The following SYN2 variants were observed in gnomAD, a reference collection of about 807,000 sequenced individuals.
SYN2 encodes the protein synapsin-2.
In SYN2, 19 loss-of-function variants were observed where a neutral mutation model predicts 50.9. The ratio of observed to expected loss-of-function variants is 0.37; its 90% CI spans 0.26 to 0.55. The LOEUF (loss-of-function observed/expected upper bound fraction) is 0.55, where lower values mean the gene tolerates loss of function less well. Ranked by LOEUF, SYN2 falls within the 20% of genes least tolerant of loss-of-function variation. SYN2 has a pLI of 0.81. For missense variants in SYN2, 587 were observed against 576.4 expected, an observed-to-expected ratio of 1.02 and a Z score of -0.19; for synonymous variants, 255 against 224.9, an observed-to-expected ratio of 1.13 and a Z score of -1.20.
intron 1 of SYN2, among the ~76,000 whole-genome samples, chr3:12,122,613 C>G (rs947906905): frequency 1.4e-4 from 21 of 152,268 alleles, no homozygotes; most frequent in Middle Eastern, 3.4e-3. Flanking sequence ...TTGTCCATCT[C>G]AGCCTATGTG....
intron 1 of SYN2, among the ~76,000 whole-genome samples, chr3:12,088,403 A>G (rs1489422861): frequency 6.6e-6 from 1 of 152,208 alleles, no homozygotes; most frequent in African/African-American, 2.4e-5. Context: ...CAAAAAGACA[A>G]AAGATAAGTA....
chr3:12,115,010 G>C (rs887025970), intron 1 of SYN2, among the ~76,000 whole-genome samples: 10 of 152,068 alleles, frequency 6.6e-5, no homozygotes, highest in African/African-American at 2.2e-4. Context: ...GTTATCCCCA[G>C]TTGCTGTTTC....
intron 1 of SYN2, among the ~76,000 whole-genome samples, chr3:12,139,935 A>G (rs1574961979): frequency 6.6e-6 from 1 of 152,302 alleles, no homozygotes; most frequent in East Asian, 1.9e-4. Flanking sequence ...ACAGGGGATT[A>G]ATTAATGCAT....
intron 1 of SYN2, among the ~76,000 whole-genome samples, chr3:12,076,093 G>A (rs1415610311): frequency 6.6e-6 from 1 of 152,108 alleles, no homozygotes; most frequent in Admixed American, 6.6e-5. Context: ...TAGCTAGTAA[G>A]TTGTAAAGTC....
chr3:12,046,351 G>C (rs1490663093), intron 1 of SYN2, among the ~76,000 whole-genome samples: 4 of 152,144 alleles, frequency 2.6e-5, no homozygotes, highest in Non-Finnish European at 2.9e-5. Context: ...CATGAAGCTT[G>C]TGAAAGGGAA....
intron 1 of SYN2, among the ~76,000 whole-genome samples, chr3:12,134,971 T>C (rs944521199): frequency 4.6e-5 from 7 of 152,180 alleles, no homozygotes; most frequent in Admixed American, 4.6e-4. Flanking sequence ...CTCAGTAAAT[T>C]TTTGCTGAAT....
intron 8 of SYN2, among the ~76,000 whole-genome samples, chr3:12,167,730 A>G (rs541637612): frequency 2.0e-5 from 3 of 152,302 alleles, no homozygotes; most frequent in Non-Finnish European, 4.4e-5. Flanking sequence ...ACTGGGTAAG[A>G]GGCAGAGGTT....
intron 1 of SYN2, among the ~76,000 whole-genome samples, chr3:12,106,412 C>G (rs1696191498): frequency 6.6e-6 from 1 of 152,102 alleles, no homozygotes; most frequent in African/African-American, 2.4e-5. Context: ...ATTCAACAAT[C>G]CTGGGATTGT....
intron 5 of SYN2, among the ~76,000 whole-genome samples, chr3:12,154,993 A>G (rs1167691580): frequency 2.3e-5 from 1 of 44,202 alleles, no homozygotes; most frequent in Non-Finnish European, 5.9e-5. Context: ...CCCATAGGAA[A>G]TTTCCCCCTT....
intron 1 of SYN2, among the ~76,000 whole-genome samples, chr3:12,102,059 A>G (rs1237426437): frequency 6.6e-6 from 1 of 152,182 alleles, no homozygotes; most frequent in Non-Finnish European, 1.5e-5. Flanking sequence ...ACAGTCAGAG[A>G]AAGTGTTTTA....
intron 1 of SYN2, among the ~76,000 whole-genome samples, chr3:12,037,820 A>G (rs1414986400): frequency 6.6e-6 from 1 of 152,174 alleles, no homozygotes; most frequent in African/African-American, 2.4e-5. Flanking sequence ...ATACCTTACC[A>G]TATATATGAT....
At chr3:12,018,468 G>T (rs944514227) in intron 1 of SYN2, among the ~76,000 whole-genome samples, 5 of 152,134 alleles carry the variant, frequency 3.3e-5, no homozygotes, top group Non-Finnish European at 7.4e-5. Context: ...AGCTAATCTG[G>T]TTGGAAATTT....
chr3:12,068,251 T>C (rs1453179535), intron 1 of SYN2, among the ~76,000 whole-genome samples: 1 of 152,232 alleles, frequency 6.6e-6, no homozygotes, highest in Non-Finnish European at 1.5e-5. Flanking sequence ...ATTGATAGTT[T>C]GCTGGCTTTA....
At chr3:12,047,449 C>A (rs969451446) in intron 1 of SYN2, among the ~76,000 whole-genome samples, 3 of 152,114 alleles carry the variant, frequency 2.0e-5, no homozygotes, top group African/African-American at 7.2e-5. Context: ...GATTTTAAAT[C>A]ATCATATTTT....
At chr3:12,106,983 A>G (rs980355326) in intron 1 of SYN2, among the ~76,000 whole-genome samples, 27 of 148,680 alleles carry the variant, frequency 1.8e-4, no homozygotes, top group African/African-American at 6.0e-4. Context: ...TAAAAGTTGG[A>G]TTCAGATCTT....
chr3:12,098,308 T>C (rs1380662667), intron 1 of SYN2, among the ~76,000 whole-genome samples: 1 of 152,130 alleles, frequency 6.6e-6, no homozygotes, highest in East Asian at 1.9e-4. Context: ...GAAGGAGAAA[T>C]TAAAACATTC....
chr3:12,140,242 C>G (rs1235289267), intron 1 of SYN2, among the ~76,000 whole-genome samples: 1 of 152,098 alleles, frequency 6.6e-6, no homozygotes. Context: ...TCTTTAAAAA[C>G]TAAAAATCCA....
chr3:12,188,917 T>C (rs552479499), intron 12 of SYN2, among the ~76,000 whole-genome samples: 25 of 152,322 alleles, frequency 1.6e-4, no homozygotes, highest in African/African-American at 5.8e-4. Flanking sequence ...GCCTCTGGGC[T>C]GAAGCTGTTG....
intron 2 of SYN2, among the ~76,000 whole-genome samples, chr3:12,140,976 G>A (rs1697005896): frequency 6.6e-6 from 1 of 152,086 alleles, no homozygotes; most frequent in Non-Finnish European, 1.5e-5. Flanking sequence ...GCACCCTCTT[G>A]CAGTGTAAGG....
Sources: gnomAD v4.1 joint callset for allele counts (sites outside exome capture counted in the v4.1 genomes callset) on GRCh38, gnomAD v4.1.1 for gene constraint, MANE v1.5 for transcripts, NCBI Gene and HGNC (gene_info 2026-07-23, HGNC 2026-07-21) for gene names.